SIPA1L1: variants seen among roughly 807,000 people sequenced by gnomAD.
The protein encoded by SIPA1L1 is signal-induced proliferation-associated 1-like protein 1.
In SIPA1L1, 26 loss-of-function variants were observed where a neutral mutation model predicts 162.7. The observed-to-expected ratio is 0.16, with a 90% CI of 0.12 to 0.22. The LOEUF is 0.22. Ranked by LOEUF, SIPA1L1 falls within the 10% of genes least tolerant of loss-of-function variation. SIPA1L1 has a pLI of 1.00. For synonymous variants in SIPA1L1, 829 were observed against 837.4 expected, an observed-to-expected ratio of 0.99 and a Z score of 0.17; for missense variants, 1,874 against 2,241.0, an observed-to-expected ratio of 0.84 and a Z score of 3.31.
chr14:71,345,352 T>C (rs2036051189), intron 2 of SIPA1L1, among the ~76,000 whole-genome samples: 1 of 152,210 alleles, frequency 6.6e-6, no homozygotes, highest in Non-Finnish European at 1.5e-5. Flanking sequence ...TGCAGTGCAC[T>C]GTGCCAGTCC....
chr14:71,397,472 G>T (rs2041296189), intron 2 of SIPA1L1, among the ~76,000 whole-genome samples: 1 of 138,712 alleles, frequency 7.2e-6, no homozygotes, highest in Admixed American at 7.8e-5. Context: ...CTTTCAGGCT[G>T]TCTTTCACAA....
intron 17 of SIPA1L1, among the ~76,000 whole-genome samples, chr14:71,710,445 G>A (rs937980157): frequency 2.6e-5 from 4 of 152,166 alleles, no homozygotes; most frequent in Non-Finnish European, 5.9e-5. Flanking sequence ...ATTGTTGTCA[G>A]TCATTGATCA....
At chr14:71,384,743 T>G (rs1275836346) in intron 2 of SIPA1L1, among the ~76,000 whole-genome samples, 1 of 152,210 alleles carries the variant, frequency 6.6e-6, no homozygotes, top group Non-Finnish European at 1.5e-5. Flanking sequence ...AACTCATTCT[T>G]TGGATATTCT....
chr14:71,417,074 A>G (rs1443851834), intron 2 of SIPA1L1, among the ~76,000 whole-genome samples: 3 of 152,114 alleles, frequency 2.0e-5, no homozygotes, highest in Admixed American at 6.6e-5. Flanking sequence ...CGACTCCTCC[A>G]GAACTTAACT....
At chr14:71,571,830 T>G (rs1265751812) in intron 4 of SIPA1L1, among the ~76,000 whole-genome samples, 3 of 151,236 alleles carry the variant, frequency 2.0e-5, no homozygotes, top group African/African-American at 7.3e-5. Flanking sequence ...TTTTTTGTAT[T>G]TTTAGTAGAG....
chr14:71,321,631 C>T (rs1321074686), intron 2 of SIPA1L1: 2 of 152,274 alleles, frequency 1.3e-5, no homozygotes, highest in Non-Finnish European at 2.9e-5. Context: ...GTTAATTTCC[C>T]CTTTGGGGGT....
At chr14:71,520,876 C>G (rs1195790509) in intron 3 of SIPA1L1, among the ~76,000 whole-genome samples, 4 of 152,138 alleles carry the variant, frequency 2.6e-5, no homozygotes, top group Admixed American at 2.6e-4. Flanking sequence ...CCTCAGCCCC[C>G]CGAGTAGCTG....
At chr14:71,394,738 A>G (rs1359949710) in intron 2 of SIPA1L1, among the ~76,000 whole-genome samples, 2 of 152,236 alleles carry the variant, frequency 1.3e-5, no homozygotes, top group Non-Finnish European at 2.9e-5. Context: ...TGAAGTTTGT[A>G]GTTGAATAAT....
intron 2 of SIPA1L1, among the ~76,000 whole-genome samples, chr14:71,378,286 T>C (rs1426214292): frequency 6.6e-6 from 1 of 152,184 alleles, no homozygotes; most frequent in Non-Finnish European, 1.5e-5. Context: ...TTCTTGTTTC[T>C]TAAGGTGGAA....
intron 2 of SIPA1L1, among the ~76,000 whole-genome samples, chr14:71,458,020 A>G (rs2046316497): frequency 6.6e-6 from 1 of 152,136 alleles, no homozygotes; most frequent in Admixed American, 6.5e-5. Flanking sequence ...TTTTTTAAAC[A>G]ATATCATTTG....
intron 5 of SIPA1L1, among the ~76,000 whole-genome samples, chr14:71,610,704 T>C (rs1480174627): frequency 1.3e-5 from 2 of 152,230 alleles, no homozygotes; most frequent in Non-Finnish European, 2.9e-5. Context: ...AATAGGGTTT[T>C]CTTTGTATTT....
intron 7 of SIPA1L1, among the ~76,000 whole-genome samples, chr14:71,629,703 A>G (rs894898340): frequency 1.3e-5 from 2 of 152,214 alleles, no homozygotes; most frequent in Non-Finnish European, 2.9e-5. Flanking sequence ...ATGAATCTTC[A>G]CTGTTTTTCT....
intron 20 of SIPA1L1, among the ~76,000 whole-genome samples, chr14:71,731,640 C>T (rs1464160046): frequency 6.6e-6 from 1 of 152,200 alleles, no homozygotes; most frequent in Admixed American, 6.5e-5. Flanking sequence ...GTCTTCTCTG[C>T]ATGTGTCATA....
At chr14:71,702,229 A>T in intron 14 of SIPA1L1, 152 bp from the exon 15 acceptor site, 1 of 732,130 alleles carries the variant, frequency 1.4e-6, no homozygotes, top group South Asian at 1.8e-5. Context: ...ACACCCACGT[A>T]AACACGAACC....
At chr14:71,352,057 G>T (rs928848829) in intron 2 of SIPA1L1, among the ~76,000 whole-genome samples, 3 of 151,582 alleles carry the variant, frequency 2.0e-5, no homozygotes, top group Non-Finnish European at 2.9e-5. Flanking sequence ...CAGTGAGACT[G>T]GTGGAAATAT....
chr14:71,584,495 C>G (rs1002766465), intron 4 of SIPA1L1, among the ~76,000 whole-genome samples: 1 of 152,184 alleles, frequency 6.6e-6, no homozygotes, highest in African/African-American at 2.4e-5. Context: ...GTCTGTGTCT[C>G]CCTGCTACAC....
intron 2 of SIPA1L1, among the ~76,000 whole-genome samples, chr14:71,489,002 C>T (rs919877529): frequency 6.6e-6 from 1 of 152,168 alleles, no homozygotes; most frequent in Non-Finnish European, 1.5e-5. Context: ...GCTCTTGCCT[C>T]TGTGGAAGAC....
At chr14:71,452,173 C>G (rs1025825871) in intron 2 of SIPA1L1, among the ~76,000 whole-genome samples, 2 of 151,962 alleles carry the variant, frequency 1.3e-5, no homozygotes, top group Non-Finnish European at 2.9e-5. Flanking sequence ...GAAACCCCCC[C>G]CTCATGTTCT....
At chr14:71,334,505 A>C (rs2034886055) in intron 2 of SIPA1L1, among the ~76,000 whole-genome samples, 1 of 152,168 alleles carries the variant, frequency 6.6e-6, no homozygotes, top group South Asian at 2.1e-4. Context: ...AGTTATCTCC[A>C]GGGTGTCAGA....
Sources: gnomAD v4.1 joint callset for allele counts (sites outside exome capture counted in the v4.1 genomes callset) on GRCh38, gnomAD v4.1.1 for gene constraint, MANE v1.5 for transcripts, NCBI Gene and HGNC (gene_info 2026-07-23, HGNC 2026-07-21) for gene names.